The following DRC11L variants were observed in gnomAD, a reference collection of about 807,000 sequenced individuals.
DRC11L encodes the protein dynein regulatory complex subunit 11 like.
the DRC11L span, chr7:151,195,377 G>A: frequency 2.5e-6 from 1 of 399,054 alleles, no homozygotes; most frequent in Non-Finnish European, 4.4e-6. Context: ...CCTGGACTGG[G>A]ACTTACTCCA....
the DRC11L span, among the ~76,000 whole-genome samples, chr7:151,197,566 G>A: frequency 6.6e-6 from 1 of 152,188 alleles, no homozygotes; most frequent in Non-Finnish European, 1.5e-5. Context: ...GAGAGCCACT[G>A]TTCTCTCTTG....
chr7:151,198,016 A>G, the DRC11L span: 1 of 300,762 alleles, frequency 3.3e-6, no homozygotes, highest in Non-Finnish European at 6.2e-6. Context: ...ATGGATGGAC[A>G]GATGGATAGA....
At chr7:151,194,485 G>T in the DRC11L span, 1 of 399,082 alleles carries the variant, frequency 2.5e-6, no homozygotes, top group Non-Finnish European at 4.4e-6. Context: ...TGGCCACAGA[G>T]TGGGAACAGG....
At chr7:151,200,509 C>G in the DRC11L span, 1 of 399,356 alleles carries the variant, frequency 2.5e-6, no homozygotes, top group South Asian at 1.3e-4. Flanking sequence ...AGTCTCCACC[C>G]TGCAGCAGCC....
chr7:151,202,070 A>G, the DRC11L span, among the ~76,000 whole-genome samples: 3 of 152,166 alleles, frequency 2.0e-5, no homozygotes, highest in South Asian at 6.2e-4. Flanking sequence ...TGCTCGGGGA[A>G]CCTTAGGGCA....
the DRC11L span, among the ~76,000 whole-genome samples, chr7:151,198,351 T>A: frequency 2.0e-5 from 3 of 150,236 alleles, no homozygotes; most frequent in Non-Finnish European, 4.4e-5. Flanking sequence ...GATGGAAGGA[T>A]AGATAGACAG....
At chr7:151,191,850 G>A in the DRC11L span, 4 of 399,078 alleles carry the variant, frequency 1.0e-5, no homozygotes, top group African/African-American at 2.1e-5. Flanking sequence ...TGGATGCCCC[G>A]GGCCTCTATC....
the DRC11L span, among the ~76,000 whole-genome samples, chr7:151,203,763 G>A: frequency 6.6e-6 from 1 of 152,140 alleles, no homozygotes; most frequent in Non-Finnish European, 1.5e-5. Context: ...AGACCTGGTT[G>A]TGCATCACAA....
At chr7:151,198,909 T>A in the DRC11L span, 1 of 399,108 alleles carries the variant, frequency 2.5e-6, no homozygotes, top group Non-Finnish European at 4.4e-6. Flanking sequence ...CCGGAACTCC[T>A]CCTCTTTCTC....
At chr7:151,198,799 G>A in the DRC11L span, 4 of 399,002 alleles carry the variant, frequency 1.0e-5, no homozygotes, top group South Asian at 1.3e-4. Flanking sequence ...GACACTGACT[G>A]GCACTCGATA....
the DRC11L span, among the ~76,000 whole-genome samples, chr7:151,195,279 T>A: frequency 6.6e-6 from 1 of 152,006 alleles, no homozygotes; most frequent in Non-Finnish European, 1.5e-5. Flanking sequence ...GCAGGGCAGG[T>A]ACTTGGTGAA....
At chr7:151,196,574 G>A in the DRC11L span, 3 of 399,624 alleles carry the variant, frequency 7.5e-6, no homozygotes, top group Non-Finnish European at 1.3e-5. Flanking sequence ...GAGAATGGAT[G>A]GATGCGTGAA....
At chr7:151,191,615 A>G in the DRC11L span, 1 of 399,164 alleles carries the variant, frequency 2.5e-6, no homozygotes, top group Non-Finnish European at 4.4e-6. Context: ...GCTTACCCAC[A>G]GCCCCTGGCC....
At chr7:151,195,958 C>G in the DRC11L span, 7 of 280,788 alleles carry the variant, frequency 2.5e-5, no homozygotes, top group African/African-American at 4.3e-5. Context: ...GAAGATCCCC[C>G]GCTGAGGTCT....
chr7:151,198,446 A>G, the DRC11L span, among the ~76,000 whole-genome samples: 2 of 152,262 alleles, frequency 1.3e-5, no homozygotes, highest in South Asian at 2.1e-4. Context: ...AACACCAGAG[A>G]AAAATAAAGG....
chr7:151,203,671 A>C, the DRC11L span, among the ~76,000 whole-genome samples: 1 of 152,144 alleles, frequency 6.6e-6, no homozygotes, highest in Admixed American at 6.5e-5. Flanking sequence ...AGATACCCCC[A>C]AGAGCCACTC....
the DRC11L span, chr7:151,192,975 C>T: frequency 2.0e-5 from 8 of 397,916 alleles, no homozygotes; most frequent in African/African-American, 8.2e-5. Flanking sequence ...CTGGAAGTCC[C>T]ACCTCCCAGC....
At chr7:151,195,622 G>A in the DRC11L span, 11 of 399,642 alleles carry the variant, frequency 2.8e-5, no homozygotes, top group Admixed American at 4.4e-5. Flanking sequence ...ACAGCCAGAC[G>A]GAGCTTCCTC....
At chr7:151,199,268 C>T in the DRC11L span, among the ~76,000 whole-genome samples, 1 of 152,166 alleles carries the variant, frequency 6.6e-6, no homozygotes, top group Non-Finnish European at 1.5e-5. The surrounding 1 kb of genome is among the most constrained non-coding windows in gnomAD (Gnocchi z 5.2). Flanking sequence ...TGCCCGATTT[C>T]CCCAGCACAC....
Sources: allele counts gnomAD v4.1 joint callset (sites outside exome capture counted in the v4.1 genomes callset), GRCh38; gene constraint gnomAD v4.1.1; non-coding constraint Gnocchi (gnomAD v3.1); transcripts MANE v1.5; gene names NCBI Gene and HGNC (gene_info 2026-07-23, HGNC 2026-07-21).